Variants in MRPS31 observed in about 807,000 individuals in gnomAD.
MRPS31 encodes small ribosomal subunit protein mS31.
MRPS31 carries 32 observed loss-of-function variants against 43.1 expected under a neutral mutation model. That is an observed-to-expected ratio of 0.74 (90% CI 0.56 to 1.00). MRPS31 has a LOEUF of 1.00. Ranked by LOEUF, MRPS31 falls within the 50% of genes least tolerant of loss-of-function variation. The pLI is 0.00. For synonymous variants in MRPS31, 165 were observed against 161.6 expected, an observed-to-expected ratio of 1.02 and a Z score of -0.16; for missense variants, 437 against 466.7, an observed-to-expected ratio of 0.94 and a Z score of 0.59.
intron 3 of MRPS31, 58 bp downstream of exon 3, chr13:40,758,890 T>G: frequency 6.9e-7 from 1 of 1,439,652 alleles, no homozygotes; most frequent in Non-Finnish European, 9.1e-7. Flanking sequence ...ACTAGCCATA[T>G]GAAAATGGCC....
intron 6 of MRPS31, among the ~76,000 whole-genome samples, chr13:40,731,539 G>A (rs1194146017): frequency 4.8e-5 from 7 of 146,316 alleles, no homozygotes; most frequent in East Asian, 4.2e-4. Flanking sequence ...CTGAGATTGC[G>A]TCACTGCACT....
intron 6 of MRPS31, among the ~76,000 whole-genome samples, chr13:40,744,677 A>C (rs1419218398): frequency 6.6e-6 from 1 of 152,034 alleles, no homozygotes. Flanking sequence ...CACTATTCAC[A>C]ATAGCAAAGA....
rs570356072 is a variant in MRPS31, at chr13:40,745,582, G to A, written c.958+3556C>T. On this transcript the variant is annotated intron_variant, in intron 6 of 6. Coordinates refer to ENST00000323563, the MANE Select transcript of MRPS31 (RefSeq NM_005830.4). Reference sequence around the variant, plus strand: ...TTTTTAATATGTATTTTGTATACCTGTCTTTTATCACAGATAGATGTTTTG... The same window carrying A: ...TTTTTAATATGTATTTTGTATACCTATCTTTTATCACAGATAGATGTTTTG... 1.1e-4 allele frequency among the ~76,000 whole-genome samples: 16 copies of A among 152,238 alleles called. 1 individual carries two copies. The highest frequency in any genetic ancestry group is 4.2e-4 in the South Asian group (2 of 4,816).
chr13:40,736,659 G>T (rs1407018672), intron 6 of MRPS31, among the ~76,000 whole-genome samples: 1 of 150,400 alleles, frequency 6.6e-6, no homozygotes, highest in Non-Finnish European at 1.5e-5. Flanking sequence ...TTTCAACCCA[G>T]AATTTCATAT....
At chr13:40,740,421 C>G (rs1880049850) in intron 6 of MRPS31, among the ~76,000 whole-genome samples, 1 of 128,346 alleles carries the variant, frequency 7.8e-6, no homozygotes. Flanking sequence ...TTTGACCCAG[C>G]CATCCCATTA....
At position 40,749,243 on chromosome 13, in the gene MRPS31, G is replaced by A. The variant is rs1377154367; in HGVS notation, c.853C>T (p.Gln285Ter). ...GGTTGTTCATTTACTGTGGCTAACTGCTTAGCAAATTCCACATCCCAAAGT... is the reference window on the plus strand; with the variant it reads ...GGTTGTTCATTTACTGTGGCTAACTACTTAGCAAATTCCACATCCCAAAGT... Reference protein sequence around the residue: ...PSLWDVEFAKQLATVNEQPLQ... With the variant: ...PSLWDVEFAK The change falls in exon 6 of 7, where the codon CAG becomes TAG. Residue 285 changes from glutamine (Q) to a stop codon, truncating the protein, a stop_gained. Coordinates refer to ENST00000323563, the MANE Select transcript of MRPS31 (RefSeq NM_005830.4). LOFTEE classifies it high-confidence loss of function. 4 of 1,594,164 alleles carry A rather than the reference G, an allele frequency of 2.5e-6. No individual in the cohort carries two copies. The highest frequency in any genetic ancestry group is 3.4e-6 in the Non-Finnish European group (4 of 1,174,932).
At chr13:40,744,591 G>A (rs577764673) in intron 6 of MRPS31, among the ~76,000 whole-genome samples, 27 of 152,078 alleles carry the variant, frequency 1.8e-4, no homozygotes, top group Admixed American at 5.9e-4. Context: ...AGATAGAGTC[G>A]CGCTCTGTAG....
At chr13:40,730,680 C>G (rs1879661241) in intron 6 of MRPS31, among the ~76,000 whole-genome samples, 1 of 152,088 alleles carries the variant, frequency 6.6e-6, no homozygotes, top group South Asian at 2.1e-4. Flanking sequence ...CCTGCCTCGG[C>G]CTCCCCAGTA....
At chr13:40,731,597 A>G (rs1879702665) in intron 6 of MRPS31, among the ~76,000 whole-genome samples, 1 of 151,920 alleles carries the variant, frequency 6.6e-6, no homozygotes, top group Non-Finnish European at 1.5e-5. Context: ...AAAAAAGAAA[A>G]AGAAAAAAGA....
chr13:40,729,524 G>C lies in MRPS31; in HGVS notation c.1036C>G (p.Pro346Ala). 1 of 1,613,996 alleles carries C rather than the reference G, an allele frequency of 6.2e-7. No homozygotes were observed. The highest frequency in any genetic ancestry group is 8.5e-7 in the Non-Finnish European group (1 of 1,179,986). The stretch of plus-strand genomic sequence containing the variant: ...ACCAGCTCCATGAAGTGGCGAATTG[G>C]TCCTTGTTTTGGAAAGCTCTCCAGG... ...KHLESFPKQG[P>A]IRHFMELVTC... is the part of the protein sequence containing the mutation. The change falls in exon 7 of 7, where the codon CCA (proline) becomes GCA (alanine). Residue 346 changes from proline (P) to alanine (A), a missense_variant. Physicochemically the swap from Pro to Ala is conservative, Grantham distance 27. Coordinates refer to ENST00000323563, the MANE Select transcript of MRPS31 (RefSeq NM_005830.4).
In MRPS31 at chr13:40,771,126, C is replaced by G. The variant is rs777069421; in HGVS notation, c.11G>C (p.Arg4Thr). The G allele has an allele frequency of 1.9e-6, 3 of 1,603,606 alleles. No homozygotes were observed. The highest frequency in any genetic ancestry group is 2.6e-6 in the Non-Finnish European group (3 of 1,173,678). Residue 4 changes from arginine to threonine, a missense_variant, in exon 1 of 7, where the codon AGA becomes ACA. Transcript: ENST00000323563. ...GCGAAGAGGTAGGAACGTCGAGACT[C>G]TAGGAAACATCGCCGAGACACGAAA... MFP[R>T]VSTFLPLRPL...
At position 40,729,408 on chromosome 13, in the gene MRPS31, C is replaced by CT; in HGVS notation, c.1151dup (p.Asp385GlyfsTer7). 1 of 1,557,066 alleles carries CT rather than the reference C, an allele frequency of 6.4e-7. No homozygotes were observed. The highest frequency in any genetic ancestry group is 8.8e-7 in the Non-Finnish European group (1 of 1,135,568). On this transcript the variant is annotated frameshift_variant, in exon 7 of 7. Coordinates refer to ENST00000323563, the MANE Select transcript of MRPS31 (RefSeq NM_005830.4). LOFTEE classifies it high-confidence loss of function. ...GTATGTTACTTTCTTTTAGAATATC[C>CT]TTTTTTTCATTAAAATAATTTCTAA...
intron 5 of MRPS31, among the ~76,000 whole-genome samples, chr13:40,750,917 AAC>A (rs143674180): frequency 0.016 from 2,484 of 151,974 alleles, 47 homozygotes; most frequent in African/African-American, 0.045. Context: ...AATTCCTAGG[AAC>A]AGTTTCCGGG....
intron 6 of MRPS31, among the ~76,000 whole-genome samples, chr13:40,741,888 T>TACACACACAC (rs61011673): frequency 0.022 from 3,103 of 140,784 alleles, 116 homozygotes; most frequent in African/African-American, 0.076. Context: ...AGTAACAAAA[T>TACACACACAC]ACACACACAC....
intron 2 of MRPS31, among the ~76,000 whole-genome samples, chr13:40,760,406 T>A (rs1880662992): frequency 6.6e-6 from 1 of 152,016 alleles, no homozygotes; most frequent in South Asian, 2.1e-4. Context: ...CATCATCAAG[T>A]AGGAGATGGA....
intron 1 of MRPS31, among the ~76,000 whole-genome samples, chr13:40,768,758 TCCAGGAGACA>T (rs1880918594): frequency 6.6e-6 from 1 of 152,196 alleles, no homozygotes; most frequent in Non-Finnish European, 1.5e-5. Flanking sequence ...AACAGCTTTG[TCCAGGAGACA>T]CTTGAGAATT....
intron 1 of MRPS31, among the ~76,000 whole-genome samples, chr13:40,770,471 T>C (rs1880975815): frequency 6.6e-6 from 1 of 152,048 alleles, no homozygotes; most frequent in African/African-American, 2.4e-5. Flanking sequence ...TGTCCCTATT[T>C]GCTATCCCAG....
At chr13:40,734,146 G>T (rs1879799286) in intron 6 of MRPS31, among the ~76,000 whole-genome samples, 1 of 151,996 alleles carries the variant, frequency 6.6e-6, no homozygotes, top group South Asian at 2.1e-4. Context: ...GGCTTATTGT[G>T]AAATAAAACT....
intron 2 of MRPS31, among the ~76,000 whole-genome samples, chr13:40,764,268 G>C (rs979641685): frequency 6.6e-6 from 1 of 152,198 alleles, no homozygotes; most frequent in Non-Finnish European, 1.5e-5. Flanking sequence ...AAATGGCAGA[G>C]TACCTGCATA....
Sources: gnomAD v4.1 joint callset for allele counts (sites outside exome capture counted in the v4.1 genomes callset) on GRCh38, gnomAD v4.1.1 for gene constraint, MANE v1.5 for transcripts, NCBI Gene and HGNC (gene_info 2026-07-23, HGNC 2026-07-21) for gene names.